KDM2A: variants seen among roughly 807,000 people sequenced by gnomAD.
The protein encoded by KDM2A is lysine demethylase 2A.
A neutral mutation model predicts 137.3 loss-of-function variants in KDM2A; 3 were observed. The observed-to-expected ratio is 0.02, with a 90% CI of 0.01 to 0.06. The LOEUF is 0.06. KDM2A is among the 10% of genes least tolerant of loss of function. The pLI, the probability that KDM2A is intolerant of heterozygous loss-of-function variation, is 1.00. For missense variants in KDM2A, 738 were observed against 1,510.6 expected, an observed-to-expected ratio of 0.49 and a Z score of 8.48; for synonymous variants, 512 against 541.5, an observed-to-expected ratio of 0.95 and a Z score of 0.76.
At chr11:67,194,314 G>GGGGGTAAT (rs1857429654) in intron 5 of KDM2A, among the ~76,000 whole-genome samples, 1 of 152,196 alleles carries the variant, frequency 6.6e-6, no homozygotes, top group Non-Finnish European at 1.5e-5. Flanking sequence ...TGTCCCAGCA[G>GGGGGTAAT]CTGCTCAGCC....
intron 2 of KDM2A, among the ~76,000 whole-genome samples, chr11:67,179,739 A>G (rs916008108): frequency 2.6e-5 from 4 of 152,230 alleles, no homozygotes; most frequent in East Asian, 3.8e-4. Flanking sequence ...TGAAATTTCT[A>G]TGAAGACAGT....
chr11:67,159,878 T>C (rs1486039719), intron 2 of KDM2A, among the ~76,000 whole-genome samples: 1 of 152,186 alleles, frequency 6.6e-6, no homozygotes, highest in Non-Finnish European at 1.5e-5. Flanking sequence ...TGAAAAGGTA[T>C]ATGCCAGTGA....
chr11:67,254,236 C>G lies in KDM2A; in HGVS notation c.3125C>G (p.Thr1042Ser), dbSNP rs377131486. ...QDNRSKLRNM[T>S]DFRLAGLDIT... Reference sequence around the variant, plus strand: ...AATCGCAGCAAGCTCCGGAACATGACCGACTTCCGGCTGGCAGGCCTTGAC... The same window carrying G: ...AATCGCAGCAAGCTCCGGAACATGAGCGACTTCCGGCTGGCAGGCCTTGAC... The change falls in exon 20 of 21, where the codon ACC becomes AGC. Residue 1042 changes from threonine to serine, a missense_variant. Physicochemically the swap from Thr to Ser is moderately conservative, Grantham distance 58. Coordinates refer to ENST00000529006, the MANE Select transcript of KDM2A (RefSeq NM_012308.3). This position sits in a 1 kb window ranked among gnomAD's most constrained non-coding sequence, Gnocchi z 4.7. 7 of 1,613,904 alleles carry G rather than the reference C, an allele frequency of 4.3e-6. No homozygotes were observed. Among genetic ancestry groups the G allele is most frequent in the African/African-American group, 1.3e-5 (1 of 74,928 alleles).
At chr11:67,120,074 A>G (rs1287550768) in intron 1 of KDM2A, 25 bp downstream of exon 1, 1 of 148,708 alleles carries the variant, frequency 6.7e-6, no homozygotes, top group Non-Finnish European at 1.5e-5. Flanking sequence ...CCCCCCCCTC[A>G]TTTGGAAGTT....
At chr11:67,147,126 A>G (rs1856268287) in intron 2 of KDM2A, among the ~76,000 whole-genome samples, 3 of 152,184 alleles carry the variant, frequency 2.0e-5, no homozygotes, top group Admixed American at 6.5e-5. Flanking sequence ...TATGTCATCA[A>G]CTTAAAAATG....
At chr11:67,120,527 A>G in intron 1 of KDM2A, among the ~76,000 whole-genome samples, 1 of 152,134 alleles carries the variant, frequency 6.6e-6, no homozygotes, top group East Asian at 1.9e-4. Flanking sequence ...GACAAGATGT[A>G]TTTTCCTTGT....
At chr11:67,234,054 C>T (rs756346308) in intron 12 of KDM2A, among the ~76,000 whole-genome samples, 14 of 152,324 alleles carry the variant, frequency 9.2e-5, no homozygotes, top group Non-Finnish European at 1.3e-4. Context: ...ATGTAGCTGA[C>T]GTCAGAAGAC....
rs780805760 is a variant in KDM2A at position 67,254,526 on chromosome 11, C to G, written c.3307+108C>G. On this transcript the variant is annotated intron_variant, in intron 20 of 20. Coordinates refer to ENST00000529006, the MANE Select transcript of KDM2A (RefSeq NM_012308.3). The surrounding 1 kb of genome is among the most constrained non-coding windows in gnomAD (Gnocchi z 4.7). The stretch of plus-strand genomic sequence containing the variant: ...CTTGGGTCTGTTGATTGACCCACAT[C>G]AGCTCATTTCTTCACATCTGGACAA... The G allele has an allele frequency of 7.7e-6, 7 of 910,730 alleles. No homozygotes were observed. In the South Asian group the frequency reaches 8.5e-5, roughly 11 times the overall value. 56.4% of individuals were successfully genotyped at this position (910,730 alleles called of 1,614,324 possible).
chr11:67,136,423 A>C (rs556955867), intron 2 of KDM2A, among the ~76,000 whole-genome samples: 2 of 152,316 alleles, frequency 1.3e-5, no homozygotes, highest in African/African-American at 4.8e-5. Flanking sequence ...GGTGTTTCCC[A>C]AGTCATCTGT....
chr11:67,152,352 A>T (rs1375298341), intron 2 of KDM2A, among the ~76,000 whole-genome samples: 1 of 152,068 alleles, frequency 6.6e-6, no homozygotes, highest in Non-Finnish European at 1.5e-5. Context: ...GCAGTGGCTC[A>T]CACTTGTTAT....
intron 5 of KDM2A, among the ~76,000 whole-genome samples, chr11:67,187,308 T>C (rs1276837944): frequency 6.6e-6 from 1 of 152,130 alleles, no homozygotes; most frequent in East Asian, 1.9e-4. Flanking sequence ...TCCTTACAAG[T>C]ACTTTAAATA....
In KDM2A at chr11:67,181,902, G is replaced by A. The variant is rs776578589; in HGVS notation, c.307+10G>A. 29 of 1,613,160 alleles carry A rather than the reference G, an allele frequency of 1.8e-5. No homozygotes were observed. The highest frequency in any genetic ancestry group is 2.3e-5 in the Non-Finnish European group (27 of 1,179,416). ...GTCAAAATGTGTGTGGGTAAGTGTC[G>A]AGCTTTTGGCCTCTGTCTTTAAGGC... On this transcript the variant is annotated intron_variant, in intron 5 of 20. Transcript: ENST00000529006.
chr11:67,196,260 C>T (rs1376106994), intron 5 of KDM2A: 2 of 456,044 alleles, frequency 4.4e-6, no homozygotes, highest in Admixed American at 2.4e-5. Context: ...CCACTGCTGC[C>T]ACCTCCAGTT....
intron 5 of KDM2A, among the ~76,000 whole-genome samples, chr11:67,189,458 A>G (rs1857290964): frequency 6.6e-6 from 1 of 152,220 alleles, no homozygotes; most frequent in African/African-American, 2.4e-5. Flanking sequence ...TTGCAGTAGC[A>G]TGTGCCTATA....
intron 5 of KDM2A, among the ~76,000 whole-genome samples, chr11:67,198,342 A>G (rs1857532074): frequency 6.6e-6 from 1 of 151,546 alleles, no homozygotes; most frequent in African/African-American, 2.4e-5. Context: ...AACAAATTGA[A>G]GGTTTCTGGC....
At chr11:67,147,300 T>G (rs531662835) in intron 2 of KDM2A, among the ~76,000 whole-genome samples, 1 of 152,078 alleles carries the variant, frequency 6.6e-6, no homozygotes, top group Admixed American at 6.5e-5. Context: ...CCCAGCACTT[T>G]GGGAGGCCGA....
At chr11:67,247,061 ATATATATATATTTTT>A (rs1859254219) in intron 15 of KDM2A, among the ~76,000 whole-genome samples, 1 of 24,478 alleles carries the variant, frequency 4.1e-5, no homozygotes, top group Admixed American at 7.1e-4. Flanking sequence ...ATATATATAT[ATATATATATATTTTT>A]TTTTTTTTTT....
chr11:67,120,838 A>T (rs941043605), intron 1 of KDM2A, among the ~76,000 whole-genome samples: 5 of 151,786 alleles, frequency 3.3e-5, no homozygotes, highest in Non-Finnish European at 7.4e-5. Flanking sequence ...GGTGAGAGAG[A>T]ACTAATTTGG....
chr11:67,149,425 GTTA>G (rs1856329740), intron 2 of KDM2A, among the ~76,000 whole-genome samples: 1 of 151,916 alleles, frequency 6.6e-6, no homozygotes, highest in African/African-American at 2.4e-5. Flanking sequence ...AGCTTAATAC[GTTA>G]TTATATATAA....
Sources: gnomAD v4.1 joint callset for allele counts (sites outside exome capture counted in the v4.1 genomes callset) on GRCh38, gnomAD v4.1.1 for gene constraint, Gnocchi (gnomAD v3.1) non-coding constraint, MANE v1.5 for transcripts, NCBI Gene and HGNC (gene_info 2026-07-23, HGNC 2026-07-21) for gene names.